NTM: variants seen among roughly 807,000 people sequenced by gnomAD.
NTM encodes the protein IgLON family member 2.
Under a neutral mutation model 42.1 loss-of-function variants are expected in NTM, and 13 were observed. The observed-to-expected ratio is 0.31, with a 90% CI of 0.20 to 0.49. NTM has a LOEUF of 0.49. Ranked by LOEUF, NTM falls within the 20% of genes least tolerant of loss-of-function variation. The pLI, the probability that NTM is intolerant of heterozygous loss-of-function variation, is 0.99. For missense variants in NTM, 373 were observed against 452.8 expected, an observed-to-expected ratio of 0.82 and a Z score of 1.60; for synonymous variants, 187 against 179.2, an observed-to-expected ratio of 1.04 and a Z score of -0.35.
chr11:132,192,597 A>C (rs1416943557), intron 3 of NTM, among the ~76,000 whole-genome samples: 5 of 152,176 alleles, frequency 3.3e-5, no homozygotes, highest in Non-Finnish European at 2.9e-5. Context: ...TATGCAATCA[A>C]GTATATGTAA....
At chr11:132,196,391 T>C (rs2080216826) in intron 3 of NTM, among the ~76,000 whole-genome samples, 1 of 151,924 alleles carries the variant, frequency 6.6e-6, no homozygotes, top group African/African-American at 2.4e-5. Context: ...AGTGTGGAGA[T>C]TTTTCAAAGG....
chr11:131,789,922 C>T (rs12275652), intron 1 of NTM, among the ~76,000 whole-genome samples: 8 of 134,536 alleles, frequency 5.9e-5, no homozygotes, highest in Non-Finnish European at 1.1e-4. Flanking sequence ...CGCCACTGCA[C>T]TCCAGCCTGG....
chr11:131,680,046 A>G (rs2072166779), intron 1 of NTM, among the ~76,000 whole-genome samples: 1 of 152,198 alleles, frequency 6.6e-6, no homozygotes. Context: ...ATCGAGCTTC[A>G]GTAAATCCCT....
chr11:132,290,927 G>A (rs1034770094), intron 4 of NTM, among the ~76,000 whole-genome samples: 4 of 152,108 alleles, frequency 2.6e-5, no homozygotes, highest in Non-Finnish European at 4.4e-5. Flanking sequence ...AAGATAAGAT[G>A]ACGTTCTTCT....
rs544274276 is a variant in NTM, at chr11:131,883,276, C to T, written c.83-28288C>T. ...ACGAATATTTCATATTCAAAGGTCACGCTATCTCCAGTCTCCTTCCCAAAG... is the reference window on the plus strand; with the variant it reads ...ACGAATATTTCATATTCAAAGGTCATGCTATCTCCAGTCTCCTTCCCAAAG... On this transcript the variant is annotated intron_variant, in intron 1 of 8. Transcript: ENST00000683400. Among the ~76,000 whole-genome samples the T allele has an allele frequency of 7.9e-5, 12 of 152,310 alleles. No homozygotes were observed. The South Asian group carries it at 8.3e-4, about 11-fold the overall frequency.
chr11:132,298,314 T>G (rs2094702319), intron 4 of NTM, among the ~76,000 whole-genome samples: 2 of 152,346 alleles, frequency 1.3e-5, no homozygotes, highest in South Asian at 2.1e-4. Flanking sequence ...AATCAAAAGC[T>G]GATTTATTTT....
At chr11:131,869,009 A>G (rs564377815) in intron 1 of NTM, among the ~76,000 whole-genome samples, 1 of 152,300 alleles carries the variant, frequency 6.6e-6, no homozygotes, top group South Asian at 2.1e-4. Context: ...TTCCCAGCTC[A>G]GCCTGCATTT....
chr11:132,170,618 G>T (rs914987583), intron 3 of NTM, among the ~76,000 whole-genome samples: 3 of 152,174 alleles, frequency 2.0e-5, no homozygotes, highest in Admixed American at 6.5e-5. Context: ...CAAAATGGCT[G>T]AATATTGGCA....
intron 1 of NTM, among the ~76,000 whole-genome samples, chr11:131,789,914 C>T (rs1458894431): frequency 7.0e-6 from 1 of 142,216 alleles, no homozygotes; most frequent in African/African-American, 2.7e-5. Flanking sequence ...CGAGATCGCG[C>T]CACTGCACTC....
chr11:131,782,376 A>G (rs1216074993), intron 1 of NTM, among the ~76,000 whole-genome samples: 1 of 152,074 alleles, frequency 6.6e-6, no homozygotes, highest in Non-Finnish European at 1.5e-5. Context: ...CCACAAAAAA[A>G]AACAACTCTA....
rs185957198 is a variant in NTM at position 131,474,217 on chromosome 11, C to T, written c.82+103329C>T. On this transcript the variant is annotated intron_variant, in intron 1 of 8. Coordinates refer to ENST00000683400, the MANE Select transcript of NTM (RefSeq NM_001352005.2). ...TCTGATCTTTCTCTGAACATATCCA[C>T]ATCTCTCACCTTTGTAACAGTTGAC... Among the ~76,000 whole-genome samples, 126 of 152,276 alleles carry T rather than the reference C, an allele frequency of 8.3e-4. 2 individuals carry two copies. The East Asian group carries it at 0.021, about 25-fold the overall frequency.
intron 1 of NTM, among the ~76,000 whole-genome samples, chr11:131,747,167 T>A (rs2081929180): frequency 6.6e-6 from 1 of 152,220 alleles, no homozygotes; most frequent in Admixed American, 6.5e-5. Flanking sequence ...ATGGAAAATG[T>A]GCTTCTCACT....
At chr11:131,796,036 G>T in intron 1 of NTM, 2 of 985,422 alleles carry the variant, frequency 2.0e-6, no homozygotes. Context: ...GCCAGCATGT[G>T]CATCGAGGTG....
intron 1 of NTM, among the ~76,000 whole-genome samples, chr11:131,542,768 C>T (rs911506337): frequency 3.3e-5 from 5 of 152,098 alleles, no homozygotes; most frequent in Non-Finnish European, 5.9e-5. Context: ...TCCTGAAAAC[C>T]AGGGAGGGAG....
Position 132,335,722 on chromosome 11 carries a change from C to T in NTM, c.*576C>T, listed in dbSNP as rs539606621. On this transcript the variant is annotated 3_prime_UTR_variant, in exon 9 of 9. Transcript: ENST00000683400. ...CCCACAAACAAGTCACAAAAGATACCGTTAAACTTTTTTTTTTTTTTATCA... is the reference window on the plus strand; with the variant it reads ...CCCACAAACAAGTCACAAAAGATACTGTTAAACTTTTTTTTTTTTTTATCA... The T allele has an allele frequency of 6.7e-6, 1 of 149,078 alleles. No homozygotes were observed. Among genetic ancestry groups the T allele is most frequent in the African/African-American group, 2.6e-5 (1 of 39,208 alleles). 9.2% of individuals were successfully genotyped at this position (149,078 alleles called of 1,614,324 possible).
chr11:132,054,631 G>C (rs2079338044), intron 2 of NTM, among the ~76,000 whole-genome samples: 1 of 152,202 alleles, frequency 6.6e-6, no homozygotes, highest in Non-Finnish European at 1.5e-5. Flanking sequence ...TGGTAGAATA[G>C]AGTGTATTCC....
rs542385721 is a variant in NTM, at chr11:131,774,560, G to A, written c.83-137004G>A. Among the ~76,000 whole-genome samples, 17 of 152,208 alleles carry A rather than the reference G, an allele frequency of 1.1e-4. No individual in the cohort carries two copies. In the South Asian group the frequency reaches 2.9e-3, roughly 26 times the overall value. ...TGTCAGAGATTTATTGATGGCATGC[G>A]GAATACATGAGGAGTGTAAGATTTT... On this transcript the variant is annotated intron_variant, in intron 1 of 8. Transcript: ENST00000683400.
rs142346505 is a variant in NTM at position 131,941,081 on chromosome 11, A to G, written c.167+29433A>G. 5.9e-3 allele frequency among the ~76,000 whole-genome samples: 906 copies of G among 152,352 alleles called. 5 individuals are homozygous for G. Among genetic ancestry groups the G allele is most frequent in the Non-Finnish European group, 0.01 (705 of 68,036 alleles). On this transcript the variant is annotated intron_variant, in intron 2 of 8. Transcript: ENST00000683400. ...GGAGAGGGAAGATATTCTCGAGGGT[A>G]ATGAGATGACAGGCACATTGTACAA... is the stretch of plus-strand genomic sequence containing the variant.
At chr11:132,316,297 C>T (rs2136193588) in intron 7 of NTM, among the ~76,000 whole-genome samples, 1 of 152,286 alleles carries the variant, frequency 6.6e-6, no homozygotes, top group Admixed American at 6.5e-5. Flanking sequence ...ACATTTATGA[C>T]AAGGAAAGCA....
Sources: allele counts gnomAD v4.1 joint callset (sites outside exome capture counted in the v4.1 genomes callset), GRCh38; gene constraint gnomAD v4.1.1; transcripts MANE v1.5; gene names NCBI Gene and HGNC (gene_info 2026-07-23, HGNC 2026-07-21).